The following FAM185A variants were observed in gnomAD, a reference collection of about 807,000 sequenced individuals.
FAM185A encodes the protein protein FAM185A.
A neutral mutation model predicts 45.7 loss-of-function variants in FAM185A; 21 were observed. The ratio of observed to expected loss-of-function variants is 0.46; its 90% CI spans 0.33 to 0.66. The LOEUF is 0.66. Among genes scored for constraint, FAM185A ranks in the 30% least tolerant of loss-of-function variants. The pLI, the probability that FAM185A is intolerant of heterozygous loss-of-function variation, is 0.03. For synonymous variants in FAM185A, 117 were observed against 194.0 expected (o/e 0.60, Z 3.30); for missense variants, 305 against 485.4 (o/e 0.63, Z 3.49).
chr7:102,814,065 A>G (rs10281799), downstream of FAM185A, among the ~76,000 whole-genome samples: 2,742 of 152,276 alleles, frequency 0.018, 97 homozygotes, highest in African/African-American at 0.062. Context: ...TCACAACACT[A>G]TAACACAGTA....
chr7:102,781,945 C>T (rs923178620), intron 6 of FAM185A, among the ~76,000 whole-genome samples: 2 of 152,072 alleles, frequency 1.3e-5, no homozygotes, highest in African/African-American at 4.8e-5. Context: ...ATAATCAATG[C>T]AGAGAAGTCC....
chr7:102,844,805 T>C, the FAM185A span, among the ~76,000 whole-genome samples: 9 of 152,210 alleles, frequency 5.9e-5, no homozygotes, highest in African/African-American at 1.7e-4. Context: ...AGGTTGTCAC[T>C]TGGACTTCTG....
chr7:102,842,142 C>T, the FAM185A span, among the ~76,000 whole-genome samples: 8 of 152,156 alleles, frequency 5.3e-5, no homozygotes, highest in African/African-American at 1.4e-4. Context: ...TCCAAATGTC[C>T]GGACGTTCCA....
chr7:102,783,087 CAAGAA>C (rs889930702), intron 6 of FAM185A, among the ~76,000 whole-genome samples: 2 of 151,948 alleles, frequency 1.3e-5, no homozygotes, highest in Admixed American at 6.6e-5. Flanking sequence ...ATCAATTCAA[CAAGAA>C]GAGATAACTA....
chr7:102,785,848 A>C (rs1178937580), intron 6 of FAM185A, among the ~76,000 whole-genome samples: 3 of 151,856 alleles, frequency 2.0e-5, no homozygotes, highest in African/African-American at 7.2e-5. Context: ...ATTAAACTAA[A>C]GAGCTTCTGC....
intron 4 of FAM185A, among the ~76,000 whole-genome samples, chr7:102,766,089 GA>G (rs1794376434): frequency 6.6e-6 from 1 of 152,182 alleles, no homozygotes; most frequent in Non-Finnish European, 1.5e-5. Context: ...CTCTATTGGA[GA>G]CAATGAAAAA....
chr7:102,828,705 A>G, the FAM185A span, among the ~76,000 whole-genome samples: 1 of 152,238 alleles, frequency 6.6e-6, no homozygotes, highest in African/African-American at 2.4e-5. Context: ...GTCTAGAGAC[A>G]TTTCTCCAAA....
intron 2 of FAM185A, among the ~76,000 whole-genome samples, chr7:102,752,571 TA>T (rs1346098076): frequency 7.3e-5 from 11 of 150,478 alleles, no homozygotes; most frequent in African/African-American, 2.0e-4. Context: ...CGTCCGGCTG[TA>T]ATTAATTTTT....
the FAM185A span, among the ~76,000 whole-genome samples, chr7:102,829,005 T>C: frequency 1.3e-5 from 2 of 152,298 alleles, no homozygotes; most frequent in South Asian, 2.1e-4. Context: ...AGACTGAGGA[T>C]AGGGGGTACT....
At chr7:102,827,052 C>T in the FAM185A span, 1 of 417,296 alleles carries the variant, frequency 2.4e-6, no homozygotes, top group Non-Finnish European at 5.1e-6. Flanking sequence ...TTCCTCACCT[C>T]TTGAATCTAA....
the FAM185A span, among the ~76,000 whole-genome samples, chr7:102,848,339 G>A: frequency 4.5e-5 from 5 of 110,002 alleles, 2 homozygotes; most frequent in Admixed American, 8.1e-5. Flanking sequence ...GGCGGATCAC[G>A]AGGTCAGGAG....
the FAM185A span, among the ~76,000 whole-genome samples, chr7:102,846,160 T>C: frequency 6.6e-6 from 1 of 152,250 alleles, no homozygotes; most frequent in South Asian, 2.1e-4. Flanking sequence ...TTTCTGCTTA[T>C]ATATCTGCCT....
At chr7:102,834,086 A>AAGGAAGGGAAAG in the FAM185A span, among the ~76,000 whole-genome samples, 1 of 93,678 alleles carries the variant, frequency 1.1e-5, no homozygotes, top group African/African-American at 4.6e-5. Context: ...GGAAGGAAAG[A>AAGGAAGGGAAAG]AAAGAAAGAA....
chr7:102,761,111 T>TG (rs1450983311), intron 3 of FAM185A, among the ~76,000 whole-genome samples, 162 bp from the exon 4 acceptor site: 6 of 152,262 alleles, frequency 3.9e-5, no homozygotes, highest in Admixed American at 3.9e-4. Context: ...AATGCACTAT[T>TG]GCTCAGAATC....
At chr7:102,834,448 T>C in the FAM185A span, among the ~76,000 whole-genome samples, 1 of 115,018 alleles carries the variant, frequency 8.7e-6, no homozygotes, top group African/African-American at 4.4e-5. Flanking sequence ...ATATTATATA[T>C]ATGTGATTAT....
At chr7:102,771,892 A>G (rs1167967714) in intron 4 of FAM185A, among the ~76,000 whole-genome samples, 1 of 152,138 alleles carries the variant, frequency 6.6e-6, no homozygotes, top group Non-Finnish European at 1.5e-5. Flanking sequence ...TTTGTTAGTC[A>G]TACCTCCATG....
At chr7:102,795,927 A>G (rs1796416985) in intron 7 of FAM185A, among the ~76,000 whole-genome samples, 2 of 152,262 alleles carry the variant, frequency 1.3e-5, no homozygotes, top group Non-Finnish European at 2.9e-5. Context: ...AGTAAAATTC[A>G]CAATGTTGTA....
chr7:102,822,347 C>T, the FAM185A span: 1 of 824,138 alleles, frequency 1.2e-6, no homozygotes, highest in African/African-American at 1.7e-5. Flanking sequence ...GTTCTAGAGG[C>T]TGGGAAGTCC....
intron 1 of FAM185A, among the ~76,000 whole-genome samples, chr7:102,750,691 T>G (rs1340941251): frequency 6.6e-6 from 1 of 151,914 alleles, no homozygotes; most frequent in Non-Finnish European, 1.5e-5. Context: ...AGGAATCAAG[T>G]GGGGGGGCGG....
Sources: allele counts gnomAD v4.1 joint callset (sites outside exome capture counted in the v4.1 genomes callset), GRCh38; gene constraint gnomAD v4.1.1; transcripts MANE v1.5; gene names NCBI Gene and HGNC (gene_info 2026-07-23, HGNC 2026-07-21).